The following CCDC121 variants were observed in gnomAD, a reference collection of about 807,000 sequenced individuals.
CCDC121 encodes coiled-coil domain containing 121.
For synonymous variants in CCDC121, 108 were observed against 120.0 expected (o/e 0.90, Z 0.65); for missense variants, 238 against 304.1 (o/e 0.78, Z 1.62).
At chr2:27,628,167 T>G in intron 1 of CCDC121, 1 of 627,030 alleles carries the variant, frequency 1.6e-6, no homozygotes, top group Non-Finnish European at 2.8e-6. Context: ...TCAGAGAGTT[T>G]AAGTGACTTG....
intron 1 of CCDC121, 99 bp from the exon 2 acceptor site, chr2:27,628,016 C>T (rs1673350494): frequency 1.2e-6 from 1 of 808,218 alleles, no homozygotes; most frequent in Non-Finnish European, 2.0e-6. Flanking sequence ...TTTCTGAGCA[C>T]CAGAATGTTC....
chr2:27,627,686 G>A lies in CCDC121; in HGVS notation c.114C>T (p.Phe38=), dbSNP rs138812850. 242 of 1,613,230 alleles carry A rather than the reference G, an allele frequency of 1.5e-4. No homozygotes were observed. The highest frequency in any genetic ancestry group is 1.9e-4 in the Non-Finnish European group (229 of 1,179,932). The change falls in exon 2 of 2, where the codon TTC becomes TTT. Residue 38 remains phenylalanine (F), a synonymous_variant. Coordinates refer to ENST00000324364, the MANE Select transcript of CCDC121 (RefSeq NM_024584.5). ...EKLLVQAENR[F]FLEYLTNKTE... Reference sequence around the variant, plus strand: ...TTTTGTTAGTCAGGTATTCCAGAAAGAATCTGTTTTCAGCCTGGACAAGTA... The same window carrying A: ...TTTTGTTAGTCAGGTATTCCAGAAAAAATCTGTTTTCAGCCTGGACAAGTA...
At position 27,626,936 on chromosome 2, in the gene CCDC121, CTTAT is replaced by C. The variant is rs941985337; in HGVS notation, c.*23_*26del. The C allele has an allele frequency of 1.3e-6, 2 of 1,507,000 alleles. No individual in the cohort carries two copies. The highest frequency in any genetic ancestry group is 9.1e-7 in the Non-Finnish European group (1 of 1,103,714). 93.4% of individuals were successfully genotyped at this position (1,507,000 alleles called of 1,614,324 possible). Reference sequence around the variant, plus strand: ...GCACTTAAGAGTACTTGCTCCAGTTCTTATTTAATCAGTGTTATTTTAGAAGTTA... The same window carrying C: ...GCACTTAAGAGTACTTGCTCCAGTTCTTAATCAGTGTTATTTTAGAAGTTA... On this transcript the variant is annotated 3_prime_UTR_variant, in exon 2 of 2. Transcript: ENST00000324364.
At chr2:27,628,828 T>C (rs1470304728) in intron 1 of CCDC121, 122 bp downstream of exon 1, 12 of 1,477,376 alleles carry the variant, frequency 8.1e-6, no homozygotes, top group East Asian at 2.5e-5. Flanking sequence ...GCCCTTTTCC[T>C]AGCTCCCTTC....
At chr2:27,628,193 A>G (rs1192444797) in intron 1 of CCDC121, 1 of 640,964 alleles carries the variant, frequency 1.6e-6, no homozygotes, top group East Asian at 2.7e-5. Context: ...GACTCACACC[A>G]CTAGCAAGTG....
intron 1 of CCDC121, chr2:27,628,413 A>T: frequency 6.4e-7 from 1 of 1,551,548 alleles, no homozygotes; most frequent in Non-Finnish European, 8.7e-7. Flanking sequence ...CCAAGCATTC[A>T]TCCTGAAGGT....
chr2:27,627,632 C>T lies in CCDC121; in HGVS notation c.168G>A (p.Lys56=), dbSNP rs757090461. 6.2e-7 allele frequency: 1 copy of T among 1,613,798 alleles called. No homozygotes were observed. Among genetic ancestry groups the T allele is most frequent in the Non-Finnish European group, 8.5e-7 (1 of 1,180,030 alleles). The part of the protein sequence containing the change: ...KTEEYTEQPE[K]VWNSYLQKSG... ...TTTTTTGTAAATAGCTGTTCCATAC[C>T]TTCTCAGGTTGCTCTGTGTACTCTT... Residue 56 remains lysine (K), a synonymous_variant, in exon 2 of 2, where the codon AAG becomes AAA. Coordinates refer to ENST00000324364, the MANE Select transcript of CCDC121 (RefSeq NM_024584.5).
intron 1 of CCDC121, chr2:27,628,266 G>A: frequency 1.1e-6 from 1 of 905,640 alleles, no homozygotes; most frequent in South Asian, 1.8e-5. Context: ...AGCTACAAAG[G>A]GTCACAGAAA....
intron 1 of CCDC121, 99 bp downstream of exon 1, chr2:27,628,851 G>A: frequency 2.7e-6 from 4 of 1,466,894 alleles, no homozygotes; most frequent in South Asian, 1.4e-5. Flanking sequence ...CCTTCCTCTC[G>A]CTTGCTCAGC....
rs568737551 is a variant in CCDC121, at chr2:27,628,613, G to T, written c.-119+337C>A. 407 of 1,551,420 alleles carry T rather than the reference G, an allele frequency of 2.6e-4. No individual in the cohort carries two copies. Among genetic ancestry groups the T allele is most frequent in the Admixed American group, 4.9e-4 (25 of 50,982 alleles). On this transcript the variant is annotated intron_variant, in intron 1 of 1. Coordinates refer to ENST00000324364, the MANE Select transcript of CCDC121 (RefSeq NM_024584.5). ...CTGCACCCTGCTCCAGTCCCGGCTGGTCCAGCCCTGAACTGTTTAACCGCC... is the reference window on the plus strand; with the variant it reads ...CTGCACCCTGCTCCAGTCCCGGCTGTTCCAGCCCTGAACTGTTTAACCGCC...
chr2:27,628,246 C>T (rs1673364439), intron 1 of CCDC121: 3 of 782,548 alleles, frequency 3.8e-6, no homozygotes, highest in Non-Finnish European at 6.0e-6. Context: ...ACTTACTGAA[C>T]ACTGTTTGCA....
At position 27,627,266 on chromosome 2, in the gene CCDC121, C is replaced by A. The variant is rs750464781; in HGVS notation, c.534G>T (p.Gln178His). Reference protein sequence around the residue: ...RKRRELNMKAQALKLAAKRFI... With the variant: ...RKRRELNMKAHALKLAAKRFI... The stretch of plus-strand genomic sequence containing the variant: ...ACCGCTTTGCTGCCAACTTCAAGGC[C>A]TGGGCCTTCATATTAAGCTCTCTTC... Residue 178 changes from glutamine (Q) to histidine (H), a missense_variant, in exon 2 of 2, where the codon CAG becomes CAT. By Grantham distance (24) the Gln-to-His change is conservative. Transcript: ENST00000324364. 2.5e-6 allele frequency: 4 copies of A among 1,613,952 alleles called. No homozygotes were observed. Among genetic ancestry groups the A allele is most frequent in the Non-Finnish European group, 3.4e-6 (4 of 1,179,870 alleles).
rs369664264 is a variant in CCDC121 at position 27,627,601 on chromosome 2, C to T, written c.199G>A (p.Glu67Lys). ...GATTCTTGTCTTCTTCGTTCAATCT[C>T]TCCACTTTTTTGTAAATAGCTGTTC... Reference protein sequence around the residue: ...VWNSYLQKSGEIERRRQESAS... With the variant: ...VWNSYLQKSGKIERRRQESAS... Residue 67 changes from glutamate to lysine, a missense_variant, in exon 2 of 2, where the codon GAG becomes AAG. By Grantham distance (56) the Glu-to-Lys change is moderately conservative. Transcript: ENST00000324364. The T allele has an allele frequency of 8.8e-5, 142 of 1,614,034 alleles. No individual in the cohort carries two copies. Among genetic ancestry groups the T allele is most frequent in the Non-Finnish European group, 1.2e-4 (139 of 1,180,046 alleles).
chr2:27,627,686 G>T lies in CCDC121; in HGVS notation c.114C>A (p.Phe38Leu). The change falls in exon 2 of 2, where the codon TTC (phenylalanine) becomes TTA (leucine). Residue 38 changes from phenylalanine (F) to leucine (L), a missense_variant. By Grantham distance (22) the Phe-to-Leu change is conservative. Coordinates refer to ENST00000324364, the MANE Select transcript of CCDC121 (RefSeq NM_024584.5). Reference protein sequence around the residue: ...EKLLVQAENRFFLEYLTNKTE... With the variant: ...EKLLVQAENRLFLEYLTNKTE... ...TTTTGTTAGTCAGGTATTCCAGAAAGAATCTGTTTTCAGCCTGGACAAGTA... is the reference window on the plus strand; with the variant it reads ...TTTTGTTAGTCAGGTATTCCAGAAATAATCTGTTTTCAGCCTGGACAAGTA... 2 of 1,613,348 alleles carry T rather than the reference G, an allele frequency of 1.2e-6. No individual in the cohort carries two copies. The highest frequency in any genetic ancestry group is 1.7e-6 in the Non-Finnish European group (2 of 1,179,924).
At position 27,626,882 on chromosome 2, in the gene CCDC121, C is replaced by A; in HGVS notation, c.*81G>T. The A allele has an allele frequency of 1.0e-6, 1 of 997,962 alleles. No homozygotes were observed. The allele number at this position is 997,962 out of a possible 1,614,324, so 61.8% of individuals were successfully genotyped here. On this transcript the variant is annotated 3_prime_UTR_variant, in exon 2 of 2. Coordinates refer to ENST00000324364, the MANE Select transcript of CCDC121 (RefSeq NM_024584.5). Reference sequence around the variant, plus strand: ...AGATTTTACAATAGCAATCTGGAATCCAACAGCCTTTCTAACCAGGTTAAT... The same window carrying A: ...AGATTTTACAATAGCAATCTGGAATACAACAGCCTTTCTAACCAGGTTAAT...
intron 1 of CCDC121, 195 bp downstream of exon 1, chr2:27,628,755 G>C: frequency 1.3e-6 from 2 of 1,545,254 alleles, no homozygotes; most frequent in Middle Eastern, 3.4e-4. Context: ...CCTGCCCTCG[G>C]GACCCCATCT....
rs1000493511 is a variant in CCDC121 at position 27,627,509 on chromosome 2, T to C, written c.291A>G (p.Gln97=). 4.3e-6 allele frequency: 7 copies of C among 1,614,210 alleles called. No homozygotes were observed. The highest frequency in any genetic ancestry group is 1.1e-5 in the South Asian group (1 of 91,084). ...KTALLQKENI[Q]SSLKRKLQAM... ...CCTGCAACTTCCGCTTCAAACTGGA[T>C]TGGATATTTTCCTTTTGCAAGAGCG... Residue 97 remains glutamine (Q), a synonymous_variant, in exon 2 of 2, where the codon CAA becomes CAG. Coordinates refer to ENST00000324364, the MANE Select transcript of CCDC121 (RefSeq NM_024584.5).
rs1367899846 is a variant in CCDC121, at chr2:27,627,827, T to C, written c.-28A>G. ...CCGCCACTATCTTTTCTTTAAGCCT[T>C]GTCTCTACCTTTGTTAGCTTCTCTG... On this transcript the variant is annotated 5_prime_UTR_variant, in exon 2 of 2. Transcript: ENST00000324364. 1.2e-6 allele frequency: 2 copies of C among 1,614,104 alleles called. No individual in the cohort carries two copies. Among genetic ancestry groups the C allele is most frequent in the Non-Finnish European group, 1.7e-6 (2 of 1,180,042 alleles).
chr2:27,626,133 G>A lies in CCDC121; in HGVS notation c.*830C>T, dbSNP rs1673273937. The A allele has an allele frequency of 6.6e-6, 1 of 152,152 alleles. No homozygotes were observed. The highest frequency in any genetic ancestry group is 1.5e-5 in the Non-Finnish European group (1 of 68,000). The allele number at this position is 152,152 out of a possible 1,614,324, so 9.4% of individuals were successfully genotyped here. A position where few individuals can be genotyped will look rare whatever the true frequency, so the allele number is the denominator to read the frequency against. On this transcript the variant is annotated 3_prime_UTR_variant, in exon 2 of 2. Coordinates refer to ENST00000324364, the MANE Select transcript of CCDC121 (RefSeq NM_024584.5). ...AATGACCTAAAACTAAAGCATTTAG[G>A]ATAACAAACATCATTTTACTTGCTA...
Sources: allele counts gnomAD v4.1 joint callset, GRCh38; gene constraint gnomAD v4.1.1; transcripts MANE v1.5; gene names NCBI Gene and HGNC (gene_info 2026-07-23, HGNC 2026-07-21).